MAP3K13: variants seen among roughly 807,000 people sequenced by gnomAD.
The protein encoded by MAP3K13 is mitogen-activated protein kinase kinase kinase 13, also known as leucine zipper-bearing kinase.
A neutral mutation model predicts 104.0 loss-of-function variants in MAP3K13; 52 were observed. That is an observed-to-expected ratio of 0.50 (90% CI 0.40 to 0.63). The LOEUF (loss-of-function observed/expected upper bound fraction) is 0.63. Among genes scored for constraint, MAP3K13 ranks in the 20% least tolerant of loss-of-function variants. The probability of loss-of-function intolerance (pLI) is 0.00; values close to 1 mark genes in which losing one functional copy is unlikely to be tolerated. For synonymous variants in MAP3K13, 394 were observed against 442.2 expected (o/e 0.89, Z 1.37); for missense variants, 914 against 1,218.5 (o/e 0.75, Z 3.72).
intron 2 of MAP3K13, among the ~76,000 whole-genome samples, chr3:185,311,841 G>A (rs1721505465): frequency 6.6e-6 from 1 of 152,080 alleles, no homozygotes; most frequent in South Asian, 2.1e-4. Flanking sequence ...AGAAAAAAAA[G>A]GAAACAGCCT....
intron 2 of MAP3K13, among the ~76,000 whole-genome samples, chr3:185,331,323 G>A (rs189402978): frequency 1.0e-3 from 156 of 152,068 alleles, no homozygotes; most frequent in African/African-American, 3.7e-3. Context: ...TCGAACTCCC[G>A]ACCTCAGGTG....
chr3:185,455,563 A>ACATATATATCATATATATGATATATAT (rs1217413167), intron 7 of MAP3K13, among the ~76,000 whole-genome samples: 1 of 18,358 alleles, frequency 5.4e-5, no homozygotes, highest in South Asian at 1.7e-3. Flanking sequence ...GATATATATG[A>ACATATATATCATATATATGATATATAT]GATATATATG....
chr3:185,323,333 C>CTTTTTT (rs869206853), intron 2 of MAP3K13, among the ~76,000 whole-genome samples: 1 of 134,328 alleles, frequency 7.4e-6, no homozygotes, highest in African/African-American at 2.8e-5. Context: ...TTTGGCATAC[C>CTTTTTT]TTTTTTTTTT....
intron 1 of MAP3K13, among the ~76,000 whole-genome samples, chr3:185,284,462 TC>T (rs1398546983): frequency 6.6e-6 from 1 of 152,122 alleles, no homozygotes; most frequent in Non-Finnish European, 1.5e-5. Context: ...ACACCTGTAA[TC>T]CCAGCACTTT....
rs751270958 is a variant in MAP3K13 at position 185,428,851 on chromosome 3, C to T, written c.270C>T (p.His90=). 5.1e-5 allele frequency: 83 copies of T among 1,613,990 alleles called. No individual in the cohort carries two copies. Among genetic ancestry groups the T allele is most frequent in the Non-Finnish European group, 6.4e-5 (76 of 1,180,030 alleles). Residue 90 remains histidine, a synonymous_variant, in exon 2 of 14, where the codon CAC becomes CAT. Coordinates refer to ENST00000265026, the MANE Select transcript of MAP3K13 (RefSeq NM_004721.5). ...FENSVLQLRE[H]DESETAVSQG... Reference sequence around the variant, plus strand: ...ACAGCGTTCTTCAGCTAAGGGAACACGATGAATCAGAGACGGCGGTGTCTC... The same window carrying T: ...ACAGCGTTCTTCAGCTAAGGGAACATGATGAATCAGAGACGGCGGTGTCTC...
intron 1 of MAP3K13, among the ~76,000 whole-genome samples, chr3:185,371,192 A>C (rs1040146698): frequency 6.6e-6 from 1 of 152,182 alleles, no homozygotes; most frequent in Non-Finnish European, 1.5e-5. Flanking sequence ...CAAAACAAAA[A>C]ACTCCCTTTT....
intron 2 of MAP3K13, among the ~76,000 whole-genome samples, chr3:185,318,876 T>C (rs7432310): frequency 0.78 from 118,237 of 152,142 alleles, 46,500 homozygotes; most frequent in Non-Finnish European, 0.84. Context: ...ACCTACAGCC[T>C]AGTTTAAGAA....
At chr3:185,455,270 TATATGAGATATATGA>T (rs1716439221) in intron 7 of MAP3K13, among the ~76,000 whole-genome samples, 2 of 34,274 alleles carry the variant, frequency 5.8e-5, no homozygotes, top group African/African-American at 1.4e-4. Context: ...ATATGAGATA[TATATGAGATATATGA>T]GATATATATA....
rs770336517 is a variant in MAP3K13 at position 185,395,357 on chromosome 3, C to CTTTTTTTTTTTT, written c.-86+31997_-86+32008dup. 3.1e-3 allele frequency among the ~76,000 whole-genome samples: 219 copies of CTTTTTTTTTTTT among 69,964 alleles called. 28 individuals are homozygous for CTTTTTTTTTTTT. The highest frequency in any genetic ancestry group is 0.01 in the African/African-American group (150 of 14,504). 45.9% of individuals were successfully genotyped at this position (69,964 alleles called of 152,430 possible). A position where few individuals can be genotyped will look rare whatever the true frequency, so the allele number is the denominator to read the frequency against. ...AGGCATTTCTAATTCAATATTATTTCTTTTTTTTTTTTTTTTTTTGAGACG... is the reference window on the plus strand; with the variant it reads ...AGGCATTTCTAATTCAATATTATTTCTTTTTTTTTTTTTTTTTTTTTTTTTTTTTTTGAGACG... On this transcript the variant is annotated intron_variant, in intron 1 of 13. Coordinates refer to ENST00000265026, the MANE Select transcript of MAP3K13 (RefSeq NM_004721.5).
chr3:185,369,054 A>C (rs1045313803), intron 1 of MAP3K13, among the ~76,000 whole-genome samples: 2 of 152,110 alleles, frequency 1.3e-5, no homozygotes, highest in African/African-American at 4.8e-5. Context: ...AGCATTTACT[A>C]TGAGTTCTAA....
chr3:185,291,552 T>C (rs1019431240), intron 2 of MAP3K13: 1 of 1,433,198 alleles, frequency 7.0e-7, no homozygotes. Flanking sequence ...GTTTTTAATT[T>C]CCCTTAAAAA....
In MAP3K13 at chr3:185,482,128, T is replaced by C. The variant is rs1265329666; in HGVS notation, c.2800-227T>C. On this transcript the variant is annotated intron_variant, in intron 13 of 13. Coordinates refer to ENST00000265026, the MANE Select transcript of MAP3K13 (RefSeq NM_004721.5). The surrounding 1 kb of genome is among the most constrained non-coding windows in gnomAD (Gnocchi z 4.5). Reference sequence around the variant, plus strand: ...AGTACTTACAACAGTGCCTGGAGCATAGTAAACGCTATATAAGTGGTTGTG... The same window carrying C: ...AGTACTTACAACAGTGCCTGGAGCACAGTAAACGCTATATAAGTGGTTGTG... Among the ~76,000 whole-genome samples the C allele has an allele frequency of 6.6e-6, 1 of 152,220 alleles. No homozygotes were observed. The highest frequency in any genetic ancestry group is 1.5e-5 in the Non-Finnish European group (1 of 68,030).
At chr3:185,290,527 C>T (rs1024372134) in intron 2 of MAP3K13, among the ~76,000 whole-genome samples, 14 of 152,164 alleles carry the variant, frequency 9.2e-5, no homozygotes, top group South Asian at 2.1e-4. Flanking sequence ...AGATAAAGCC[C>T]GGGTCCTGGT....
chr3:185,374,786 T>C (rs9840343), intron 1 of MAP3K13, among the ~76,000 whole-genome samples: 1 of 151,716 alleles, frequency 6.6e-6, no homozygotes, highest in Non-Finnish European at 1.5e-5. Context: ...AGTAAGTCAA[T>C]ACCTTGGTGA....
chr3:185,416,787 ATTT>A (rs63345160), intron 1 of MAP3K13, among the ~76,000 whole-genome samples: 2 of 136,348 alleles, frequency 1.5e-5, no homozygotes, highest in African/African-American at 2.7e-5. Flanking sequence ...ATGCCCAGCT[ATTT>A]TTTTTTTTTT....
intron 8 of MAP3K13, among the ~76,000 whole-genome samples, chr3:185,464,293 AAGAG>A (rs969530686): frequency 7.2e-4 from 110 of 152,276 alleles, no homozygotes; most frequent in Non-Finnish European, 5.9e-4. Context: ...GTCTCAAAAA[AAGAG>A]AGAGAGATAA....
At chr3:185,383,620 A>G (rs1172529256) in intron 1 of MAP3K13, among the ~76,000 whole-genome samples, 2 of 151,050 alleles carry the variant, frequency 1.3e-5, no homozygotes, top group South Asian at 2.1e-4. Flanking sequence ...CTTTCTTGCC[A>G]TGTAATTTCT....
chr3:185,307,789 G>A (rs1388575323), intron 2 of MAP3K13, among the ~76,000 whole-genome samples: 2 of 151,758 alleles, frequency 1.3e-5, no homozygotes, highest in Non-Finnish European at 2.9e-5. Context: ...TGATCTGCCC[G>A]CCTCGGCCTC....
chr3:185,291,993 T>C (rs1334307064), intron 2 of MAP3K13: 2 of 1,028,214 alleles, frequency 1.9e-6, no homozygotes, highest in Non-Finnish European at 2.3e-6. Flanking sequence ...TTAGGTCTTT[T>C]ATCATATCCT....
Sources: gnomAD v4.1 joint callset for allele counts (sites outside exome capture counted in the v4.1 genomes callset) on GRCh38, gnomAD v4.1.1 for gene constraint, Gnocchi (gnomAD v3.1) non-coding constraint, MANE v1.5 for transcripts, NCBI Gene and HGNC (gene_info 2026-07-23, HGNC 2026-07-21) for gene names.